NTRK1: variants seen among roughly 807,000 people sequenced by gnomAD.
NTRK1 encodes the protein neurotrophic receptor tyrosine kinase 1, also known as high affinity nerve growth factor receptor.
NTRK1 carries 62 observed loss-of-function variants against 86.8 expected under a neutral mutation model. The observed-to-expected ratio is 0.71, with a 90% CI of 0.58 to 0.88. NTRK1 has a LOEUF of 0.88. Ranked by LOEUF, NTRK1 falls within the 40% of genes least tolerant of loss-of-function variation. NTRK1 has a pLI of 0.00. For missense variants in NTRK1, 967 were observed against 1,078.4 expected, an observed-to-expected ratio of 0.90 and a Z score of 1.45; for synonymous variants, 469 against 456.6, an observed-to-expected ratio of 1.03 and a Z score of -0.35.
intron 1 of NTRK1, among the ~76,000 whole-genome samples, chr1:156,816,502 G>A (rs147756955): frequency 2.4e-3 from 366 of 152,330 alleles, no homozygotes; most frequent in African/African-American, 8.3e-3. Context: ...TCAGGGATGA[G>A]TGGGCATGGA....
In NTRK1 at chr1:156,841,492, C is replaced by T. The variant is rs751827758; in HGVS notation, c.-63-589C>T. 11 of 1,613,890 alleles carry T rather than the reference C, an allele frequency of 6.8e-6. No individual in the cohort carries two copies. In the Admixed American group the frequency reaches 1.8e-4, roughly 27 times the overall value. ...ACAGGCCCTGGTAGGGTTGTTCTGC[C>T]AGGGTCACAATCTCCCAGAGTACCA... On this transcript the variant is annotated intron_variant, in intron 1 of 16. Transcript: ENST00000392302.
chr1:156,876,052 T>A (rs1476566470), intron 12 of NTRK1, 28 bp from the exon 13 acceptor site: 1 of 1,614,080 alleles, frequency 6.2e-7, no homozygotes, highest in Non-Finnish European at 8.5e-7. Context: ...AGACTGGGGC[T>A]ACCGTCTGAC....
intron 1 of NTRK1, chr1:156,841,535 G>A: frequency 9.3e-6 from 15 of 1,613,976 alleles, no homozygotes; most frequent in Non-Finnish European, 1.3e-5. Flanking sequence ...GGACCTGGGG[G>A]CATGCAGGAG....
chr1:156,871,845 G>A, intron 7 of NTRK1, 90 bp downstream of exon 7: 1 of 1,544,034 alleles, frequency 6.5e-7, no homozygotes, highest in Non-Finnish European at 8.9e-7. Context: ...GGAAGAAAGG[G>A]TGGGATGTGT....
chr1:156,834,165 G>A lies in NTRK1; in HGVS notation c.-63-7916G>A, dbSNP rs750262083. On this transcript the variant is annotated intron_variant, in intron 1 of 16. Transcript: ENST00000392302. Reference sequence around the variant, plus strand: ...GTAGTAGGTATTAAATGCCCTGTGGGTGGTATAGAGATCAGAAAGGGCATC... The same window carrying A: ...GTAGTAGGTATTAAATGCCCTGTGGATGGTATAGAGATCAGAAAGGGCATC... Among the ~76,000 whole-genome samples the A allele has an allele frequency of 2.6e-5, 4 of 152,198 alleles. No homozygotes were observed. In the East Asian group the frequency reaches 5.8e-4, roughly 22 times the overall value.
chr1:156,845,353 C>G (rs970341373), intron 2 of NTRK1: 1 of 1,603,114 alleles, frequency 6.2e-7, no homozygotes. Flanking sequence ...CCCTCAGCAC[C>G]TGCCCTAGTC....
chr1:156,848,818 G>A, intron 2 of NTRK1: 1 of 1,398,580 alleles, frequency 7.2e-7, no homozygotes, highest in Non-Finnish European at 9.6e-7. Flanking sequence ...GGCTTCCTGG[G>A]TCTTCATAGC....
chr1:156,857,868 TC>T (rs1369835790), upstream of NTRK1, among the ~76,000 whole-genome samples: 1 of 152,170 alleles, frequency 6.6e-6, no homozygotes, highest in Non-Finnish European at 1.5e-5. Context: ...TTTTCCTCTT[TC>T]CACCAATCCC....
chr1:156,866,334 G>C (rs1036839902), intron 3 of NTRK1, among the ~76,000 whole-genome samples: 2 of 152,230 alleles, frequency 1.3e-5, no homozygotes. Flanking sequence ...GGCCCCTGCT[G>C]GGCTCACTTT....
At chr1:156,843,248 A>AG (rs757800663) in intron 2 of NTRK1, 61 of 1,610,810 alleles carry the variant, frequency 3.8e-5, no homozygotes, top group Admixed American at 1.7e-4. Context: ...AAGGAGGTGG[A>AG]GGGTCACAAA....
In NTRK1 at chr1:156,879,854, C is replaced by T; in HGVS notation, c.2047-145C>T. ...TCGATCTCCTGACCTCGTGATTGCC[C>T]ACCTCGGCCTCCCAAAGTGCTGGGA... On this transcript the variant is annotated intron_variant, in intron 15 of 16. Transcript: ENST00000524377. 3 of 949,838 alleles carry T rather than the reference C, an allele frequency of 3.2e-6. No homozygotes were observed. The South Asian group carries it at 4.4e-5, about 14-fold the overall frequency. 58.8% of individuals were successfully genotyped at this position (949,838 alleles called of 1,614,324 possible).
intron 2 of NTRK1, chr1:156,845,086 G>A: frequency 6.2e-7 from 1 of 1,607,818 alleles, no homozygotes; most frequent in Non-Finnish European, 8.5e-7. Flanking sequence ...TGTGGGGCAT[G>A]GTGCGCGCAA....
At chr1:156,837,059 C>T (rs1159464452) in intron 1 of NTRK1, 3 of 152,284 alleles carry the variant, frequency 2.0e-5, no homozygotes, top group Non-Finnish European at 2.9e-5. Flanking sequence ...GACATCAGAA[C>T]TCTGAGCCAT....
At chr1:156,861,984 G>A (rs1655673581) in intron 1 of NTRK1, among the ~76,000 whole-genome samples, 1 of 152,202 alleles carries the variant, frequency 6.6e-6, no homozygotes, top group South Asian at 2.1e-4. Flanking sequence ...AGGTACTCAG[G>A]CATCATATGG....
chr1:156,844,937 G>T, intron 2 of NTRK1: 1 of 1,573,724 alleles, frequency 6.4e-7, no homozygotes, highest in Non-Finnish European at 8.6e-7. Flanking sequence ...GGGAGGTGGG[G>T]AAAGCTTTGG....
chr1:156,848,347 C>T (rs1655082932), intron 2 of NTRK1, among the ~76,000 whole-genome samples: 1 of 152,300 alleles, frequency 6.6e-6, no homozygotes, highest in Admixed American at 6.5e-5. Context: ...CCTTCCCAGC[C>T]TGCATCTGAA....
intron 2 of NTRK1, chr1:156,845,937 G>T (rs1228237198): frequency 6.2e-7 from 1 of 1,608,386 alleles, no homozygotes; most frequent in African/African-American, 1.3e-5. Context: ...CGGCCTGCGC[G>T]TCGTCCCTGC....
chr1:156,881,327 A>G, intron 16 of NTRK1, 130 bp from the exon 17 acceptor site: 1 of 804,130 alleles, frequency 1.2e-6, no homozygotes, highest in Non-Finnish European at 1.9e-6. Context: ...CATTCGGGTT[A>G]TTAGCAGCTA....
intron 2 of NTRK1, chr1:156,849,076 C>G: frequency 6.2e-7 from 1 of 1,603,690 alleles, no homozygotes; most frequent in Non-Finnish European, 8.5e-7. Context: ...CTGCTCGCAA[C>G]CGCGCCTGCC....
Sources: allele counts gnomAD v4.1 joint callset (sites outside exome capture counted in the v4.1 genomes callset), GRCh38; gene constraint gnomAD v4.1.1; transcripts MANE v1.5; gene names NCBI Gene and HGNC (gene_info 2026-07-23, HGNC 2026-07-21).